The following CNOT10 variants were observed in gnomAD, a reference collection of about 807,000 sequenced individuals.
CNOT10 encodes the protein CCR4-NOT transcription complex subunit 10.
A neutral mutation model predicts 94.6 loss-of-function variants in CNOT10; 30 were observed. The observed-to-expected ratio is 0.32, with a 90% CI of 0.24 to 0.43. CNOT10 has a LOEUF of 0.43. CNOT10 is among the 20% of genes least tolerant of loss of function. The pLI is 1.00. For missense variants in CNOT10, 759 were observed against 877.2 expected (o/e 0.87, Z 1.70); for synonymous variants, 289 against 301.6 (o/e 0.96, Z 0.43).
chr3:32,741,077 T>C (rs1575272561), intron 13 of CNOT10, among the ~76,000 whole-genome samples: 4 of 152,250 alleles, frequency 2.6e-5, no homozygotes, highest in African/African-American at 9.6e-5. Flanking sequence ...CCACTCCTGC[T>C]CCTGCCCCTT....
At chr3:32,718,791 G>C (rs1031714846) in intron 7 of CNOT10, among the ~76,000 whole-genome samples, 1 of 151,918 alleles carries the variant, frequency 6.6e-6, no homozygotes, top group Admixed American at 6.6e-5. Context: ...GATAAACTAG[G>C]ATTTAGAAGG....
chr3:32,751,280 T>A (rs963900849), intron 13 of CNOT10, among the ~76,000 whole-genome samples: 1 of 151,760 alleles, frequency 6.6e-6, no homozygotes, highest in East Asian at 1.9e-4. Context: ...TTTAATTTTT[T>A]TTTTTTGTAG....
chr3:32,702,473 A>G (rs141265856), intron 1 of CNOT10, among the ~76,000 whole-genome samples: 1 of 152,342 alleles, frequency 6.6e-6, no homozygotes, highest in African/African-American at 2.4e-5. Context: ...TAAACAGATT[A>G]TTAACCTTTA....
At chr3:32,753,479 TTCATCC>T in intron 13 of CNOT10, 1 of 1,561,470 alleles carries the variant, frequency 6.4e-7, no homozygotes, top group Non-Finnish European at 8.8e-7. Context: ...AAACTGGAAC[TTCATCC>T]TATAATACCA....
intron 7 of CNOT10, among the ~76,000 whole-genome samples, chr3:32,718,408 C>A (rs993043911): frequency 4.7e-5 from 7 of 150,080 alleles, no homozygotes; most frequent in Non-Finnish European, 1.0e-4. Flanking sequence ...CACAGTGAAA[C>A]CCCATCTCTA....
intron 4 of CNOT10, 107 bp downstream of exon 4, chr3:32,708,927 CA>C (rs1256025095): frequency 1.2e-6 from 1 of 822,880 alleles, no homozygotes; most frequent in Non-Finnish European, 1.8e-6. Context: ...TGCCAGTATT[CA>C]AAGAAAAGCC....
chr3:32,724,037 G>A (rs1038594219), intron 8 of CNOT10, among the ~76,000 whole-genome samples: 1 of 152,112 alleles, frequency 6.6e-6, no homozygotes, highest in Non-Finnish European at 1.5e-5. Context: ...CCCTAATTAT[G>A]CCACTGCACT....
chr3:32,712,160 TTTG>T (rs1237293095), intron 4 of CNOT10, among the ~76,000 whole-genome samples: 6 of 120,006 alleles, frequency 5.0e-5, no homozygotes, highest in South Asian at 6.2e-4. Context: ...CAGGTGTTTG[TTTG>T]TTTTTTTTTT....
At chr3:32,690,741 G>A (rs541268841) in intron 1 of CNOT10, among the ~76,000 whole-genome samples, 2 of 151,956 alleles carry the variant, frequency 1.3e-5, no homozygotes, top group Admixed American at 6.6e-5. Flanking sequence ...TAGAGAAGGG[G>A]TTTCACCATG....
rs568140778 is a variant in CNOT10, at chr3:32,703,112, G to C, written c.23-756G>C. Among the ~76,000 whole-genome samples the C allele has an allele frequency of 3.8e-5, 5 of 132,120 alleles. No individual in the cohort carries two copies. In the South Asian group the frequency reaches 1.2e-3, roughly 31 times the overall value. 86.7% of individuals were successfully genotyped at this position (132,120 alleles called of 152,430 possible). ...TTTTTTTTTTTGTATTTTTAGTAGT[G>C]ACGGGGTTTCACCGTGTTAGCCAGG... is the stretch of plus-strand genomic sequence containing the variant. On this transcript the variant is annotated intron_variant, in intron 1 of 18. Transcript: ENST00000328834.
At chr3:32,744,105 G>A (rs760819600) in intron 13 of CNOT10, among the ~76,000 whole-genome samples, 42 of 152,082 alleles carry the variant, frequency 2.8e-4, no homozygotes, top group African/African-American at 8.9e-4. Context: ...GAATTGTGTC[G>A]TAATTTTCAA....
At chr3:32,706,163 C>T (rs1243652063) in intron 3 of CNOT10, among the ~76,000 whole-genome samples, 3 of 152,088 alleles carry the variant, frequency 2.0e-5, no homozygotes, top group Non-Finnish European at 2.9e-5. Context: ...TATGTCCTCA[C>T]GTTTCCTCAT....
intron 18 of CNOT10, among the ~76,000 whole-genome samples, chr3:32,770,800 G>C (rs760772672): frequency 2.0e-5 from 3 of 151,580 alleles, no homozygotes; most frequent in African/African-American, 4.8e-5. Flanking sequence ...TCCGCCTCCC[G>C]GGTTCAAGGT....
intron 13 of CNOT10, among the ~76,000 whole-genome samples, chr3:32,751,213 A>G (rs552472473): frequency 6.6e-6 from 1 of 151,882 alleles, no homozygotes; most frequent in East Asian, 1.9e-4. Context: ...CAGCCCTCCC[A>G]CCTCTGCGTC....
At chr3:32,747,213 C>T (rs1699739479) in intron 13 of CNOT10, among the ~76,000 whole-genome samples, 1 of 151,876 alleles carries the variant, frequency 6.6e-6, no homozygotes, top group Admixed American at 6.6e-5. Context: ...GTCAAGAGTT[C>T]GAGATCAGCC....
intron 4 of CNOT10, among the ~76,000 whole-genome samples, chr3:32,709,121 C>G (rs1188825779): frequency 6.6e-6 from 1 of 152,136 alleles, no homozygotes; most frequent in Non-Finnish European, 1.5e-5. Flanking sequence ...TCCTTTCTTA[C>G]TTTAGTACAT....
chr3:32,726,808 A>G (rs1000814601), intron 9 of CNOT10, among the ~76,000 whole-genome samples: 2 of 149,110 alleles, frequency 1.3e-5, no homozygotes, highest in African/African-American at 4.9e-5. Flanking sequence ...TCATGAACAC[A>G]TGACAATAAA....
intron 8 of CNOT10, among the ~76,000 whole-genome samples, chr3:32,720,879 T>TCCTCC (rs1316597152): frequency 7.8e-6 from 1 of 128,594 alleles, no homozygotes; most frequent in East Asian, 2.6e-4. Flanking sequence ...CTTCCTTCTT[T>TCCTCC]CTTTTCCTTC....
intron 17 of CNOT10, among the ~76,000 whole-genome samples, chr3:32,768,231 A>G (rs951832538): frequency 6.6e-6 from 1 of 152,206 alleles, no homozygotes; most frequent in African/African-American, 2.4e-5. Context: ...GGTCATTGAA[A>G]AAAACAGTAA....
Sources: allele counts gnomAD v4.1 joint callset (sites outside exome capture counted in the v4.1 genomes callset), GRCh38; gene constraint gnomAD v4.1.1; transcripts MANE v1.5; gene names NCBI Gene and HGNC (gene_info 2026-07-23, HGNC 2026-07-21).